Variants in APBA2 observed in about 807,000 individuals in gnomAD.
APBA2 encodes amyloid-beta A4 precursor protein-binding family A member 2.
Under a neutral mutation model 75.0 loss-of-function variants are expected in APBA2, and 30 were observed. The observed-to-expected ratio is 0.40, with a 90% confidence interval of 0.30 to 0.54. APBA2 has a LOEUF of 0.54. APBA2 is among the 20% of genes least tolerant of loss of function. APBA2 has a pLI of 0.49. For missense variants in APBA2, 801 were observed against 1,016.1 expected, an observed-to-expected ratio of 0.79 and a Z score of 2.88; for synonymous variants, 444 against 409.6, an observed-to-expected ratio of 1.08 and a Z score of -1.01.
chr15:29,022,313 A>G (rs779324563), intron 3 of APBA2, among the ~76,000 whole-genome samples: 1 of 152,092 alleles, frequency 6.6e-6, no homozygotes, highest in Admixed American at 6.5e-5. Context: ...CTTATCTTTC[A>G]TCCTTTTGAT....
chr15:29,031,351 AG>A (rs1781891507), intron 3 of APBA2, among the ~76,000 whole-genome samples: 1 of 152,204 alleles, frequency 6.6e-6, no homozygotes, highest in Non-Finnish European at 1.5e-5. Context: ...TGGGAGTCCA[AG>A]ATCAAGGTGT....
chr15:29,110,865 G>A (rs1393017876), intron 13 of APBA2, among the ~76,000 whole-genome samples: 2 of 152,204 alleles, frequency 1.3e-5, no homozygotes, highest in Non-Finnish European at 2.9e-5. Context: ...CAATGGGCAG[G>A]TGTGAAGTCA....
intron 8 of APBA2, among the ~76,000 whole-genome samples, chr15:29,097,884 C>T (rs1170584586): frequency 1.3e-5 from 2 of 152,170 alleles, no homozygotes; most frequent in Non-Finnish European, 2.9e-5. Flanking sequence ...TTGTAGCTTC[C>T]ACCTGAGTGA....
intron 3 of APBA2, among the ~76,000 whole-genome samples, chr15:28,997,150 T>C (rs2038570892): frequency 6.6e-6 from 1 of 152,194 alleles, no homozygotes; most frequent in Non-Finnish European, 1.5e-5. Context: ...TTGCATCCAG[T>C]TGGGGAGCAT....
intron 2 of APBA2, among the ~76,000 whole-genome samples, chr15:28,975,817 CAG>C (rs942343789): frequency 1.8e-4 from 28 of 152,196 alleles, no homozygotes; most frequent in Admixed American, 1.1e-3. Flanking sequence ...GCCATATTGG[CAG>C]AGAGGAAAAA....
intron 2 of APBA2, among the ~76,000 whole-genome samples, chr15:28,994,818 T>A (rs2038424297): frequency 6.6e-6 from 1 of 152,196 alleles, no homozygotes; most frequent in Non-Finnish European, 1.5e-5. Context: ...AATGGGGCTC[T>A]TCCCTACGAC....
intron 6 of APBA2, among the ~76,000 whole-genome samples, chr15:29,088,023 G>A (rs917508062): frequency 5.3e-5 from 8 of 152,088 alleles, no homozygotes; most frequent in African/African-American, 1.9e-4. Context: ...GAATCTGGGA[G>A]TGGCAGCCTC....
intron 2 of APBA2, among the ~76,000 whole-genome samples, chr15:28,931,996 G>T (rs907131498): frequency 2.6e-5 from 4 of 152,126 alleles, no homozygotes; most frequent in Admixed American, 6.5e-5. Context: ...CTGGGTCTGG[G>T]CATGGCTGCA....
intron 2 of APBA2, among the ~76,000 whole-genome samples, chr15:28,942,241 A>C (rs1237506864): frequency 2.0e-5 from 3 of 152,148 alleles, no homozygotes; most frequent in Non-Finnish European, 4.4e-5. Flanking sequence ...GTCTCCCTCC[A>C]CTGTGGGCCG....
chr15:28,920,632 G>T (rs2033924439), intron 1 of APBA2, among the ~76,000 whole-genome samples: 1 of 152,210 alleles, frequency 6.6e-6, no homozygotes, highest in Non-Finnish European at 1.5e-5. Flanking sequence ...TGGGTGGCCT[G>T]CTCCCAGGCA....
At chr15:28,994,563 T>C (rs1256126941) in intron 2 of APBA2, among the ~76,000 whole-genome samples, 1 of 152,148 alleles carries the variant, frequency 6.6e-6, no homozygotes, top group Non-Finnish European at 1.5e-5. Flanking sequence ...TTGTTCAACA[T>C]GGAAACATCT....
Position 28,908,315 on chromosome 15 carries a change from G to GTTTTTTTTTTTTTTTTTTTTTTTTTTT in APBA2, c.-204-13312_-204-13311insTTTTTTTTTTTTTTTTTTTTTTTTTTT, listed in dbSNP as rs765084356. ...TTGTTTTTGTTTGTTTTGTTTTCTTGTTTTTTTTTTTTTGAGACAGAGTCT... is the reference window on the plus strand; with the variant it reads ...TTGTTTTTGTTTGTTTTGTTTTCTTGTTTTTTTTTTTTTTTTTTTTTTTTTTTTTTTTTTTTTTTTGAGACAGAGTCT... On this transcript the variant is annotated intron_variant, in intron 1 of 14. Coordinates refer to ENST00000683413, the MANE Select transcript of APBA2 (RefSeq NM_001353788.2). Among the ~76,000 whole-genome samples, 10 of 137,592 alleles carry GTTTTTTTTTTTTTTTTTTTTTTTTTTT rather than the reference G, an allele frequency of 7.3e-5. 1 individual carries two copies. Among genetic ancestry groups the GTTTTTTTTTTTTTTTTTTTTTTTTTTT allele is most frequent in the African/African-American group, 3.0e-4 (10 of 33,180 alleles). 90.3% of individuals were successfully genotyped at this position (137,592 alleles called of 152,430 possible).
intron 14 of APBA2, among the ~76,000 whole-genome samples, chr15:29,115,243 A>C (rs1462547819): frequency 1.1e-5 from 1 of 87,860 alleles, no homozygotes; most frequent in Non-Finnish European, 2.0e-5. Context: ...CCATCCTTGC[A>C]GCCTGTGGGT....
intron 2 of APBA2, among the ~76,000 whole-genome samples, chr15:28,964,768 A>G (rs951004010): frequency 6.6e-6 from 1 of 151,994 alleles, no homozygotes; most frequent in African/African-American, 2.4e-5. Flanking sequence ...GATTACAGGC[A>G]TGAGCCACCG....
rs149908437 is a variant in APBA2, at chr15:29,101,558, C to T, written c.1339-41C>T. The T allele has an allele frequency of 1.9e-4, 309 of 1,595,180 alleles. No individual in the cohort carries two copies. In the East Asian group the frequency reaches 6.9e-3, roughly 36 times the overall value. On this transcript the variant is annotated intron_variant, in intron 9 of 14. Coordinates refer to ENST00000683413, the MANE Select transcript of APBA2 (RefSeq NM_001353788.2). ...TGGAGTACTTTTCAATGGATTGTCC[C>T]AGTAGTGTTCCCTGACGTGGCACTG... is the stretch of plus-strand genomic sequence containing the variant.
intron 8 of APBA2, among the ~76,000 whole-genome samples, chr15:29,097,747 A>T (rs568873443): frequency 6.6e-6 from 1 of 152,222 alleles, no homozygotes; most frequent in African/African-American, 2.4e-5. Context: ...TGCACAATAG[A>T]TCTCTTGAAC....
At chr15:29,033,305 T>G (rs1041843424) in intron 3 of APBA2, among the ~76,000 whole-genome samples, 1 of 152,224 alleles carries the variant, frequency 6.6e-6, no homozygotes, top group African/African-American at 2.4e-5. Context: ...CCTTGGTTTA[T>G]GTGGTAAGAC....
At chr15:28,944,081 C>G (rs1239404147) in intron 2 of APBA2, among the ~76,000 whole-genome samples, 1 of 152,210 alleles carries the variant, frequency 6.6e-6, no homozygotes, top group African/African-American at 2.4e-5. Flanking sequence ...GGCCCACTCT[C>G]CACTCTGCAG....
chr15:29,074,148 C>G (rs573334673), intron 4 of APBA2, among the ~76,000 whole-genome samples: 2 of 151,946 alleles, frequency 1.3e-5, no homozygotes, highest in Non-Finnish European at 2.9e-5. Flanking sequence ...CAGGTATGTA[C>G]GTAAAGGAAG....
Sources: allele counts gnomAD v4.1 joint callset (sites outside exome capture counted in the v4.1 genomes callset), GRCh38; gene constraint gnomAD v4.1.1; transcripts MANE v1.5; gene names NCBI Gene and HGNC (gene_info 2026-07-23, HGNC 2026-07-21).